TRDN: variants seen among roughly 807,000 people sequenced by gnomAD.
TRDN encodes the protein triadin in skeletal muscle.
A neutral mutation model predicts 149.7 loss-of-function variants in TRDN; 161 were observed. The observed-to-expected ratio is 1.08, with a 90% CI of 0.95 to 1.23. TRDN has a LOEUF of 1.23. TRDN is among the 50% of genes most tolerant of loss of function. The probability of loss-of-function intolerance (pLI) is 0.00; values close to 1 mark genes in which losing one functional copy is unlikely to be tolerated. For synonymous variants in TRDN, 294 were observed against 250.5 expected, an observed-to-expected ratio of 1.17 and a Z score of -1.64; for missense variants, 896 against 823.5, an observed-to-expected ratio of 1.09 and a Z score of -1.08.
chr6:123,282,072 G>T (rs375172665), intron 24 of TRDN, among the ~76,000 whole-genome samples: 16 of 151,870 alleles, frequency 1.1e-4, no homozygotes, highest in Admixed American at 2.0e-4. Context: ...TACAGAGATG[G>T]ACAAACATAG....
intron 9 of TRDN, chr6:123,469,874 C>T (rs1562330985): frequency 6.6e-6 from 1 of 152,280 alleles, no homozygotes; most frequent in Non-Finnish European, 1.5e-5. Context: ...GTTCTCAGCA[C>T]TACAACTTCT....
At chr6:123,605,108 G>T (rs1420108009) in intron 1 of TRDN, among the ~76,000 whole-genome samples, 1 of 151,722 alleles carries the variant, frequency 6.6e-6, no homozygotes, top group Non-Finnish European at 1.5e-5. Flanking sequence ...ATTTTAATTT[G>T]AGAGGTAAGC....
At chr6:123,529,335 C>G (rs1331832461) in intron 5 of TRDN, 3 of 1,548,542 alleles carry the variant, frequency 1.9e-6, no homozygotes, top group African/African-American at 1.4e-5. Flanking sequence ...GGAAAGAGAA[C>G]AGTAAGGAGA....
intron 21 of TRDN, among the ~76,000 whole-genome samples, chr6:123,345,088 C>T (rs1445619196): frequency 6.6e-6 from 1 of 151,676 alleles, no homozygotes; most frequent in Non-Finnish European, 1.5e-5. Context: ...TGGACTTTGT[C>T]TTTTGTGTTT....
intron 23 of TRDN, among the ~76,000 whole-genome samples, chr6:123,329,126 A>AT (rs1448589522): frequency 6.6e-6 from 1 of 152,150 alleles, no homozygotes; most frequent in Non-Finnish European, 1.5e-5. Context: ...CCACTACATG[A>AT]TTACTGAATC....
At chr6:123,325,916 T>C (rs553837316) in intron 23 of TRDN, among the ~76,000 whole-genome samples, 12 of 152,246 alleles carry the variant, frequency 7.9e-5, no homozygotes, top group Middle Eastern at 3.4e-3. Flanking sequence ...TGTATCTGAA[T>C]TAATCAATAT....
At chr6:123,474,027 C>T (rs1484092071) in intron 9 of TRDN, among the ~76,000 whole-genome samples, 3 of 151,986 alleles carry the variant, frequency 2.0e-5, no homozygotes, top group African/African-American at 4.8e-5. Flanking sequence ...TAGGAAGAAA[C>T]TGCATCAACT....
At chr6:123,576,465 T>A (rs886728151) in intron 1 of TRDN, among the ~76,000 whole-genome samples, 5 of 111,290 alleles carry the variant, frequency 4.5e-5, no homozygotes, top group South Asian at 6.0e-4. Context: ...TTTTCTTTTT[T>A]AATTTATTTT....
At chr6:123,371,323 C>G (rs1307533647) in intron 19 of TRDN, among the ~76,000 whole-genome samples, 1 of 152,124 alleles carries the variant, frequency 6.6e-6, no homozygotes, top group Non-Finnish European at 1.5e-5. Context: ...CTCTGACTTT[C>G]TGAAATGGCT....
rs1354129582 is a variant in TRDN at position 123,503,833 on chromosome 6, G to C, written c.679C>G (p.Gln227Glu). The C allele has an allele frequency of 6.2e-7, 1 of 1,605,448 alleles. No homozygotes were observed. Among genetic ancestry groups the C allele is most frequent in the Non-Finnish European group, 8.5e-7 (1 of 1,175,300 alleles). Residue 227 changes from glutamine (Q) to glutamate (E), a missense_variant, in exon 8 of 41, where the codon CAG becomes GAG. Coordinates refer to ENST00000334268, the MANE Select transcript of TRDN (RefSeq NM_006073.4). ...KTKKEVKGGKQEKVKQTAAKV... is the reference protein window; with the variant it reads ...KTKKEVKGGKEEKVKQTAAKV... ...GCAGCTGTTTGCTTCACTTTCTCCT[G>C]TTTTCCACCTTTCACTTCCTTTTTA... is the stretch of plus-strand genomic sequence containing the variant.
At chr6:123,384,631 T>A (rs1781840489) in intron 14 of TRDN, among the ~76,000 whole-genome samples, 2 of 152,190 alleles carry the variant, frequency 1.3e-5, no homozygotes, top group African/African-American at 4.8e-5. Context: ...TTCTATTTCC[T>A]AATAATAAGA....
chr6:123,333,991 A>G (rs1437149179), intron 22 of TRDN, among the ~76,000 whole-genome samples: 1 of 152,014 alleles, frequency 6.6e-6, no homozygotes, highest in African/African-American at 2.4e-5. Context: ...TCCCTAAGGG[A>G]TAGGAAAATG....
In TRDN at chr6:123,266,157, ATT is replaced by A. The variant is rs1226152205; in HGVS notation, c.1784-821_1784-820del. Among the ~76,000 whole-genome samples, 182 of 99,584 alleles carry A rather than the reference ATT, an allele frequency of 1.8e-3. 1 individual carries two copies. In the East Asian group the frequency reaches 0.049, roughly 27 times the overall value. The allele number at this position is 99,584 out of a possible 152,430, so 65.3% of individuals were successfully genotyped here. On this transcript the variant is annotated intron_variant, in intron 32 of 40. Coordinates refer to ENST00000334268, the MANE Select transcript of TRDN (RefSeq NM_006073.4). The stretch of plus-strand genomic sequence containing the variant: ...ATAATATGTATTATATATTATATAT[ATT>A]ATAATATGTATTATATATTATATAT...
intron 1 of TRDN, among the ~76,000 whole-genome samples, chr6:123,574,615 T>C (rs1357718900): frequency 1.3e-5 from 2 of 151,864 alleles, no homozygotes; most frequent in Non-Finnish European, 1.5e-5. Context: ...TCTGCAGTTT[T>C]TTAACCACTG....
chr6:123,628,987 C>G (rs1043189957), intron 1 of TRDN, among the ~76,000 whole-genome samples: 3 of 152,066 alleles, frequency 2.0e-5, no homozygotes, highest in Non-Finnish European at 4.4e-5. Flanking sequence ...GATTTAAATT[C>G]ACAAACTTGG....
chr6:123,457,284 C>T (rs1249458738), intron 10 of TRDN, among the ~76,000 whole-genome samples: 1 of 152,184 alleles, frequency 6.6e-6, no homozygotes, highest in Non-Finnish European at 1.5e-5. Flanking sequence ...GAGTAAATAC[C>T]TCTTGATACT....
chr6:123,281,043 A>G (rs182075734), intron 24 of TRDN, among the ~76,000 whole-genome samples: 10 of 152,240 alleles, frequency 6.6e-5, no homozygotes, highest in Admixed American at 5.9e-4. Context: ...GAATTGTATT[A>G]AACACAAAAT....
At chr6:123,352,318 C>G (rs973633304) in intron 21 of TRDN, 39 of 984,836 alleles carry the variant, frequency 4.0e-5, no homozygotes, top group Middle Eastern at 5.2e-4. Context: ...TGGGGAGTTT[C>G]CCTGTTCGGA....
intron 22 of TRDN, among the ~76,000 whole-genome samples, chr6:123,333,895 G>T (rs1779759690): frequency 6.6e-6 from 1 of 151,984 alleles, no homozygotes; most frequent in South Asian, 2.1e-4. Context: ...GATTATCAGG[G>T]CCTATAAAGT....
Sources: gnomAD v4.1 joint callset for allele counts (sites outside exome capture counted in the v4.1 genomes callset) on GRCh38, gnomAD v4.1.1 for gene constraint, MANE v1.5 for transcripts, NCBI Gene and HGNC (gene_info 2026-07-23, HGNC 2026-07-21) for gene names.